TACC2: variants seen among roughly 807,000 people sequenced by gnomAD.
TACC2 encodes transforming acidic coiled-coil containing protein 2.
In TACC2, 137 loss-of-function variants were observed where a neutral mutation model predicts 227.3. The ratio of observed to expected loss-of-function variants is 0.60; its 90% CI spans 0.52 to 0.69. The LOEUF is 0.69. Among genes scored for constraint, TACC2 ranks in the 30% least tolerant of loss-of-function variants. The pLI is 0.00. For synonymous variants in TACC2, 1,523 were observed against 1,487.5 expected, an observed-to-expected ratio of 1.02 and a Z score of -0.55; for missense variants, 3,470 against 3,694.4, an observed-to-expected ratio of 0.94 and a Z score of 1.57.
intron 21 of TACC2, 40 bp downstream of exon 21, chr10:122,249,196 C>T: frequency 6.7e-7 from 1 of 1,497,056 alleles, no homozygotes; most frequent in Non-Finnish European, 9.2e-7. Flanking sequence ...AGGGGCCTCC[C>T]AGCAGCCCTT....
At chr10:122,173,238 A>G (rs1016252599) in intron 7 of TACC2, among the ~76,000 whole-genome samples, 18 of 152,114 alleles carry the variant, frequency 1.2e-4, no homozygotes, top group African/African-American at 4.1e-4. Context: ...ATCACCTTTG[A>G]TCTAGAACAG....
chr10:122,015,249 A>G (rs1162011040), intron 1 of TACC2, among the ~76,000 whole-genome samples: 2 of 152,176 alleles, frequency 1.3e-5, no homozygotes, highest in Non-Finnish European at 2.9e-5. Flanking sequence ...TCATGCTTGT[A>G]ATCCCAGCAC....
At chr10:122,049,455 T>G (rs2136181877) in intron 2 of TACC2, among the ~76,000 whole-genome samples, 1 of 152,182 alleles carries the variant, frequency 6.6e-6, no homozygotes, top group East Asian at 1.9e-4. Context: ...TCATGTACAC[T>G]CCAGTGGGCA....
At position 122,025,825 on chromosome 10, in the gene TACC2, C is replaced by T. The variant is rs567024028; in HGVS notation, c.33+3811C>T. On this transcript the variant is annotated intron_variant, in intron 2 of 22. Transcript: ENST00000369005. ...TCCTGACCTCGTGATCCACCCGCCT[C>T]GGCTGCCCAAAGTGCTGGGATTACA... Among the ~76,000 whole-genome samples the T allele has an allele frequency of 1.1e-4, 17 of 151,304 alleles. 1 individual carries two copies. Among genetic ancestry groups the T allele is most frequent in the African/African-American group, 3.4e-4 (14 of 41,376 alleles).
chr10:122,203,719 G>T (rs1455058493), intron 8 of TACC2, among the ~76,000 whole-genome samples: 2 of 151,444 alleles, frequency 1.3e-5, no homozygotes, highest in Admixed American at 1.3e-4. Context: ...GTCGATGGGC[G>T]GCCAGGCAGA....
At chr10:122,223,736 G>T (rs529723829) in intron 11 of TACC2, among the ~76,000 whole-genome samples, 1 of 152,304 alleles carries the variant, frequency 6.6e-6, no homozygotes, top group South Asian at 2.1e-4. Context: ...AACCAGAACT[G>T]CTATTTATCT....
chr10:121,995,646 C>T (rs1953365628), intron 1 of TACC2, among the ~76,000 whole-genome samples: 2 of 152,290 alleles, frequency 1.3e-5, no homozygotes, highest in South Asian at 4.1e-4. Context: ...GCACTAGCAC[C>T]CACTTGGCGT....
intron 7 of TACC2, among the ~76,000 whole-genome samples, chr10:122,189,505 GGGA>G (rs1342018802): frequency 6.6e-6 from 1 of 152,114 alleles, no homozygotes; most frequent in Non-Finnish European, 1.5e-5. Flanking sequence ...AAAAAGAGGT[GGGA>G]GGAGGAGGGG....
rs2079740219 is a variant in TACC2 at position 122,083,248 on chromosome 10, CCT to C, written c.749_750del (p.Pro250ArgfsTer53). 6.2e-7 allele frequency: 1 copy of C among 1,613,522 alleles called. No homozygotes were observed. Among genetic ancestry groups the C allele is most frequent in the Non-Finnish European group, 8.5e-7 (1 of 1,179,990 alleles). On this transcript the variant is annotated frameshift_variant, in exon 4 of 23. Transcript: ENST00000369005. LOFTEE classifies it high-confidence loss of function. ...RQGVASVQVT[P>X]EAPAAAQQGT... Reference sequence around the variant, plus strand: ...GGGGGTGGCTTCTGTGCAAGTGACCCCTGAGGCCCCTGCTGCAGCCCAGCAGG... The same window carrying C: ...GGGGGTGGCTTCTGTGCAAGTGACCCGAGGCCCCTGCTGCAGCCCAGCAGG...
intron 1 of TACC2, among the ~76,000 whole-genome samples, chr10:121,998,312 C>CAA (rs1278618833): frequency 2.0e-4 from 14 of 70,588 alleles, no homozygotes; most frequent in African/African-American, 4.8e-4. Flanking sequence ...ACCACGTTCT[C>CAA]AAAAAAAAAA....
intron 7 of TACC2, chr10:122,192,532 C>T: frequency 5.3e-6 from 2 of 378,970 alleles, no homozygotes; most frequent in East Asian, 7.4e-5. Context: ...GCCTCGGGGC[C>T]TCCGGACGCT....
intron 5 of TACC2, among the ~76,000 whole-genome samples, chr10:122,105,609 G>A (rs563309386): frequency 2.7e-5 from 4 of 149,436 alleles, no homozygotes; most frequent in South Asian, 4.3e-4. Flanking sequence ...TCCACGTAGC[G>A]TCCTGTCTTA....
chr10:122,128,410 A>G (rs17103093), intron 5 of TACC2, among the ~76,000 whole-genome samples: 19,900 of 152,280 alleles, frequency 0.13, 1,497 homozygotes, highest in African/African-American at 0.21. Context: ...AAATAATTCC[A>G]TTCCAAAGAG....
At chr10:122,177,992 G>A (rs917164334) in intron 7 of TACC2, among the ~76,000 whole-genome samples, 3 of 152,150 alleles carry the variant, frequency 2.0e-5, no homozygotes, top group Non-Finnish European at 4.4e-5. Context: ...GGATAGCTGA[G>A]CTCACCTCTG....
At chr10:122,124,048 G>A (rs569300986) in intron 5 of TACC2, among the ~76,000 whole-genome samples, 2 of 152,094 alleles carry the variant, frequency 1.3e-5, no homozygotes, top group African/African-American at 2.4e-5. Flanking sequence ...TCCTGGCCTC[G>A]TGATCTGCCC....
chr10:122,226,333 AC>A (rs1565697025), intron 12 of TACC2, 32 bp from the exon 13 acceptor site: 1 of 1,507,854 alleles, frequency 6.6e-7, no homozygotes, highest in Admixed American at 1.7e-5. Flanking sequence ...GGCCAACTGT[AC>A]CCAAGCTGAT....
chr10:122,226,556 T>C (rs2095633110), intron 13 of TACC2, 75 bp downstream of exon 13: 1 of 1,087,644 alleles, frequency 9.2e-7, no homozygotes, highest in Non-Finnish European at 1.4e-6. Context: ...CATGCTGTTA[T>C]TTTGACTTCA....
Position 122,085,206 on chromosome 10 carries a change from A to G in TACC2, c.2706A>G (p.Gln902=), listed in dbSNP as rs1441945248. ...GQEQALGSEL[Q]SQLPKGTLSD... ...AGCAGGCTTTGGGATCAGAACTTCA[A>G]AGTCAGCTCCCCAAAGGCACCCTGT... The change falls in exon 4 of 23, where the codon CAA becomes CAG. Residue 902 remains glutamine (Q), a synonymous_variant. Transcript: ENST00000369005. 3 of 1,614,040 alleles carry G rather than the reference A, an allele frequency of 1.9e-6. No homozygotes were observed. The highest frequency in any genetic ancestry group is 1.7e-5 in the Admixed American group (1 of 60,022).
At chr10:122,182,201 G>A (rs910286251) in intron 7 of TACC2, among the ~76,000 whole-genome samples, 1 of 152,194 alleles carries the variant, frequency 6.6e-6, no homozygotes, top group South Asian at 2.1e-4. Flanking sequence ...GCTGTGGGAG[G>A]TATTTGTTGA....
Sources: allele counts gnomAD v4.1 joint callset (sites outside exome capture counted in the v4.1 genomes callset), GRCh38; gene constraint gnomAD v4.1.1; transcripts MANE v1.5; gene names NCBI Gene and HGNC (gene_info 2026-07-23, HGNC 2026-07-21).